BRD10: variants seen among roughly 807,000 people sequenced by gnomAD.
BRD10 encodes bromodomain containing 10.
the BRD10 span, among the ~76,000 whole-genome samples, chr9:6,001,220 A>T: frequency 1.3e-5 from 2 of 152,150 alleles, no homozygotes; most frequent in Non-Finnish European, 2.9e-5. Flanking sequence ...CTCTTGATGG[A>T]ATTAACTCAA....
the BRD10 span, chr9:5,908,712 C>A: frequency 1.9e-6 from 3 of 1,612,212 alleles, no homozygotes; most frequent in Non-Finnish European, 2.5e-6. Flanking sequence ...ACCTTAAGAG[C>A]CAGCGAGACA....
chr9:6,007,066 G>C, the BRD10 span: 1 of 916,902 alleles, frequency 1.1e-6, no homozygotes, highest in Non-Finnish European at 1.6e-6. Flanking sequence ...CCTCCTCCCG[G>C]GCTTCTCCAG....
the BRD10 span, among the ~76,000 whole-genome samples, chr9:5,952,764 G>T: frequency 2.0e-5 from 3 of 152,172 alleles, no homozygotes; most frequent in African/African-American, 7.2e-5. Flanking sequence ...ACAAAAGTCG[G>T]AGAAATAGTA....
At chr9:5,900,926 T>C in the BRD10 span, among the ~76,000 whole-genome samples, 2 of 22,044 alleles carry the variant, frequency 9.1e-5, no homozygotes, top group South Asian at 2.5e-3. Flanking sequence ...GTCAGGGCAC[T>C]GTGTTTTTCA....
At chr9:5,903,741 G>A in the BRD10 span, among the ~76,000 whole-genome samples, 3 of 152,098 alleles carry the variant, frequency 2.0e-5, no homozygotes, top group African/African-American at 7.2e-5. Context: ...CACCTTTATC[G>A]TTATGTAATA....
chr9:5,974,120 A>G, the BRD10 span, among the ~76,000 whole-genome samples: 1 of 152,164 alleles, frequency 6.6e-6, no homozygotes, highest in African/African-American at 2.4e-5. Flanking sequence ...GACATACACA[A>G]AAAAAATCTT....
chr9:5,964,294 C>T, the BRD10 span, among the ~76,000 whole-genome samples: 1 of 150,034 alleles, frequency 6.7e-6, no homozygotes, highest in Non-Finnish European at 1.5e-5. Flanking sequence ...AGCCAAAAAA[C>T]ACATGAAAAA....
chr9:5,966,979 A>AT, the BRD10 span, among the ~76,000 whole-genome samples: 33 of 152,332 alleles, frequency 2.2e-4, no homozygotes, highest in African/African-American at 7.9e-4. Context: ...TCAATGATAC[A>AT]TTATATACAT....
chr9:5,937,081 T>C, the BRD10 span, among the ~76,000 whole-genome samples: 2 of 151,072 alleles, frequency 1.3e-5, no homozygotes, highest in Non-Finnish European at 2.9e-5. Flanking sequence ...AATACAAAAA[T>C]ATGCTGGGTG....
chr9:5,944,320 A>G, the BRD10 span, among the ~76,000 whole-genome samples: 1,135 of 152,096 alleles, frequency 7.5e-3, 17 homozygotes, highest in African/African-American at 0.026. Flanking sequence ...TAGTCTCTCA[A>G]GAACAATAAA....
the BRD10 span, among the ~76,000 whole-genome samples, chr9:5,893,166 C>T: frequency 6.6e-6 from 1 of 152,134 alleles, no homozygotes; most frequent in African/African-American, 2.4e-5. Context: ...AAACTCACAA[C>T]TTAGTGGGAG....
chr9:5,953,208 G>C, the BRD10 span, among the ~76,000 whole-genome samples: 439 of 152,022 alleles, frequency 2.9e-3, 3 homozygotes, highest in African/African-American at 9.7e-3. Flanking sequence ...CTTGACTTGA[G>C]ACTCACAAAT....
chr9:5,931,813 C>CT, the BRD10 span, among the ~76,000 whole-genome samples: 2 of 152,178 alleles, frequency 1.3e-5, no homozygotes, highest in Non-Finnish European at 2.9e-5. Flanking sequence ...CCCCTATACC[C>CT]TGCCATGGAG....
chr9:5,967,971 A>G, the BRD10 span: 1 of 1,220,422 alleles, frequency 8.2e-7, no homozygotes. Context: ...GGAAAAAACA[A>G]TTTGAATTAT....
At chr9:5,916,372 T>C in the BRD10 span, among the ~76,000 whole-genome samples, 1 of 152,152 alleles carries the variant, frequency 6.6e-6, no homozygotes. Context: ...GTGTACATAT[T>C]CTAGCTATCA....
At chr9:5,883,973 T>G in the BRD10 span, among the ~76,000 whole-genome samples, 1 of 152,180 alleles carries the variant, frequency 6.6e-6, no homozygotes, top group East Asian at 1.9e-4. Flanking sequence ...GTTTCCATTT[T>G]GCAGATAAAG....
the BRD10 span, among the ~76,000 whole-genome samples, chr9:5,912,746 C>G: frequency 6.6e-6 from 1 of 152,110 alleles, no homozygotes. Context: ...TGCAGCGTGC[C>G]CTTCCTTTTT....
the BRD10 span, among the ~76,000 whole-genome samples, chr9:5,907,417 G>A: frequency 5.9e-5 from 9 of 152,222 alleles, no homozygotes; most frequent in South Asian, 1.9e-3. Context: ...CTGTCTGATG[G>A]CTTAGCCACT....
At chr9:5,896,803 G>A in the BRD10 span, among the ~76,000 whole-genome samples, 1 of 152,198 alleles carries the variant, frequency 6.6e-6, no homozygotes, top group African/African-American at 2.4e-5. Flanking sequence ...CCAAGAGGCT[G>A]GTGTAGACCC....
Sources: allele counts gnomAD v4.1 joint callset (sites outside exome capture counted in the v4.1 genomes callset), GRCh38; gene constraint gnomAD v4.1.1; transcripts MANE v1.5; gene names NCBI Gene and HGNC (gene_info 2026-07-23, HGNC 2026-07-21).